PNPLA8: variants seen among roughly 807,000 people sequenced by gnomAD.
The protein encoded by PNPLA8 is calcium-independent phospholipase A2-gamma.
A neutral mutation model predicts 76.9 loss-of-function variants in PNPLA8; 39 were observed. That is an observed-to-expected ratio of 0.51 (90% CI 0.39 to 0.66). The LOEUF (loss-of-function observed/expected upper bound fraction) is 0.66, where lower values mean the gene tolerates loss of function less well. Ranked by LOEUF, PNPLA8 falls within the 30% of genes least tolerant of loss-of-function variation. The probability of loss-of-function intolerance (pLI) is 0.00; values close to 1 mark genes in which losing one functional copy is unlikely to be tolerated. For missense variants in PNPLA8, 887 were observed against 918.0 expected, an observed-to-expected ratio of 0.97 and a Z score of 0.44; for synonymous variants, 301 against 307.9, an observed-to-expected ratio of 0.98 and a Z score of 0.24.
chr7:108,496,025 A>T (rs1301399581), intron 7 of PNPLA8, among the ~76,000 whole-genome samples: 1 of 152,108 alleles, frequency 6.6e-6, no homozygotes, highest in Non-Finnish European at 1.5e-5. Context: ...CAGGCCAATC[A>T]CTTGAGGTTA....
intron 7 of PNPLA8, among the ~76,000 whole-genome samples, chr7:108,496,055 G>A (rs1861524314): frequency 6.6e-6 from 1 of 152,052 alleles, no homozygotes; most frequent in Admixed American, 6.5e-5. Flanking sequence ...GCAACATGGT[G>A]AAATCTTCTC....
intron 5 of PNPLA8, among the ~76,000 whole-genome samples, chr7:108,501,094 A>G (rs1386972188): frequency 6.6e-6 from 1 of 152,236 alleles, no homozygotes; most frequent in African/African-American, 2.4e-5. Context: ...GTACTTGAAC[A>G]TACAGAAGAG....
chr7:108,504,493 T>A (rs1356607588), intron 4 of PNPLA8, among the ~76,000 whole-genome samples: 2 of 152,018 alleles, frequency 1.3e-5, no homozygotes, highest in East Asian at 3.8e-4. Flanking sequence ...CCCGAATAAT[T>A]GAAAAAATAT....
chr7:108,507,769 C>A (rs999274954), intron 4 of PNPLA8, among the ~76,000 whole-genome samples: 1 of 151,970 alleles, frequency 6.6e-6, no homozygotes, highest in Admixed American at 6.6e-5. Flanking sequence ...CTTTGAAAAC[C>A]GGTAACTAAA....
rs547868516 is a variant in PNPLA8 at position 108,479,899 on chromosome 7, A to G, written c.1879-520T>C. Among the ~76,000 whole-genome samples, 58 of 152,320 alleles carry G rather than the reference A, an allele frequency of 3.8e-4. 1 individual carries two copies. The highest frequency in any genetic ancestry group is 1.4e-3 in the African/African-American group (57 of 41,582). ...TATTTCTAAGTATGTATCAATATCA[A>G]TATTATTTTGAAGACTTCAAAAGGA... On this transcript the variant is annotated intron_variant, in intron 9 of 10. Transcript: ENST00000257694.
chr7:108,518,978 T>C (rs1863554894), intron 2 of PNPLA8, among the ~76,000 whole-genome samples: 1 of 151,526 alleles, frequency 6.6e-6, no homozygotes, highest in Non-Finnish European at 1.5e-5. Context: ...AGGTTTTATT[T>C]TGTAATTAGA....
chr7:108,522,863 A>C (rs1863841432), intron 1 of PNPLA8, among the ~76,000 whole-genome samples: 1 of 152,246 alleles, frequency 6.6e-6, no homozygotes, highest in South Asian at 2.1e-4. Flanking sequence ...TTTCATAATC[A>C]TGAGAGATTT....
Position 108,472,324 on chromosome 7 carries a change from G to T in PNPLA8, c.*77C>A. On this transcript the variant is annotated 3_prime_UTR_variant, in exon 11 of 11. Coordinates refer to ENST00000257694, the MANE Select transcript of PNPLA8 (RefSeq NM_001256007.3). ...ACGTATTTCAAAGTTAACTCATGTC[G>T]AACCCCACAATTCCTTATTGAATGT... The T allele has an allele frequency of 2.9e-6, 3 of 1,044,098 alleles. No individual in the cohort carries two copies. The highest frequency in any genetic ancestry group is 3.4e-5 in the South Asian group (2 of 58,910). 64.7% of individuals were successfully genotyped at this position (1,044,098 alleles called of 1,614,324 possible). A position where few individuals can be genotyped will look rare whatever the true frequency, so the allele number is the denominator to read the frequency against.
At chr7:108,493,036 G>C (rs1861297147) in intron 7 of PNPLA8, among the ~76,000 whole-genome samples, 1 of 152,182 alleles carries the variant, frequency 6.6e-6, no homozygotes, top group African/African-American at 2.4e-5. Flanking sequence ...CATTGGTAGA[G>C]CCACCAAGTG....
chr7:108,510,965 A>G (rs1379810755), intron 4 of PNPLA8: 46 of 1,538,470 alleles, frequency 3.0e-5, no homozygotes, highest in Non-Finnish European at 3.9e-5. Context: ...GCTTATTAGA[A>G]GAATGAACTA....
At chr7:108,495,414 T>C (rs1461932998) in intron 7 of PNPLA8, among the ~76,000 whole-genome samples, 1 of 152,184 alleles carries the variant, frequency 6.6e-6, no homozygotes, top group Non-Finnish European at 1.5e-5. Flanking sequence ...CTGTGCATTA[T>C]CTGAATTTTG....
chr7:108,513,097 G>A (rs1470524331), intron 4 of PNPLA8, among the ~76,000 whole-genome samples: 3 of 152,048 alleles, frequency 2.0e-5, no homozygotes, highest in Non-Finnish European at 4.4e-5. Context: ...AGAACTATGA[G>A]AAATAAATTT....
chr7:108,496,672 C>T lies in PNPLA8; in HGVS notation c.1537G>A (p.Val513Ile), dbSNP rs375676360. The change falls in exon 7 of 11, where the codon GTA becomes ATA. Residue 513 changes from valine to isoleucine, a missense_variant. Physicochemically the swap from Val to Ile is conservative, Grantham distance 29. Coordinates refer to ENST00000257694, the MANE Select transcript of PNPLA8 (RefSeq NM_001256007.3). ...EELYRKLGSD[V>I]FSQNVIVGTV... ...CCAACAATGACATTTTGTGAAAATA[C>T]ATCTGATCCTAATTTTCGATAAAGT... 6.2e-7 allele frequency: 1 copy of T among 1,611,802 alleles called. No homozygotes were observed. Among genetic ancestry groups the T allele is most frequent in the African/African-American group, 1.3e-5 (1 of 74,940 alleles).
intron 8 of PNPLA8, among the ~76,000 whole-genome samples, chr7:108,490,441 G>A (rs886403707): frequency 6.6e-6 from 1 of 152,178 alleles, no homozygotes; most frequent in African/African-American, 2.4e-5. Context: ...ATTAAGTGAT[G>A]CATGATTGTA....
At chr7:108,508,861 A>AAAT in intron 4 of PNPLA8, among the ~76,000 whole-genome samples, 1 of 141,396 alleles carries the variant, frequency 7.1e-6, no homozygotes, top group South Asian at 2.3e-4. Context: ...GAGCCCTCAG[A>AAAT]AATAACGCCG....
At chr7:108,502,370 G>A in intron 5 of PNPLA8, 121 bp downstream of exon 5, 2 of 771,104 alleles carry the variant, frequency 2.6e-6, no homozygotes, top group East Asian at 3.0e-5. Context: ...TTGAACCTGG[G>A]AGGCAGAGGT....
rs1859677258 is a variant in PNPLA8 at position 108,472,343 on chromosome 7, T to G, written c.*58A>C. 1.7e-6 allele frequency: 2 copies of G among 1,190,386 alleles called. No individual in the cohort carries two copies. The highest frequency in any genetic ancestry group is 2.4e-6 in the Non-Finnish European group (2 of 845,338). The allele number at this position is 1,190,386 out of a possible 1,614,324, so 73.7% of individuals were successfully genotyped here. On this transcript the variant is annotated 3_prime_UTR_variant, in exon 11 of 11. Coordinates refer to ENST00000257694, the MANE Select transcript of PNPLA8 (RefSeq NM_001256007.3). ...CATGTCGAACCCCACAATTCCTTAT[T>G]GAATGTGGTTGATCTTCTAAACAGA...
chr7:108,526,893 A>C (rs1392181456), upstream of PNPLA8, among the ~76,000 whole-genome samples: 1 of 152,244 alleles, frequency 6.6e-6, no homozygotes, highest in Non-Finnish European at 1.5e-5. Context: ...AGGTTAAAAA[A>C]AAAGTTTTGC....
intron 10 of PNPLA8, among the ~76,000 whole-genome samples, chr7:108,478,064 T>A (rs1563930966): frequency 6.6e-6 from 1 of 152,068 alleles, no homozygotes. Flanking sequence ...ATAATTACAA[T>A]GAGATAAATG....
Sources: allele counts gnomAD v4.1 joint callset (sites outside exome capture counted in the v4.1 genomes callset), GRCh38; gene constraint gnomAD v4.1.1; transcripts MANE v1.5; gene names NCBI Gene and HGNC (gene_info 2026-07-23, HGNC 2026-07-21).